CA1: variants seen among roughly 807,000 people sequenced by gnomAD.
The protein encoded by CA1 is carbonic anhydrase 1.
In CA1, 27 loss-of-function variants were observed where a neutral mutation model predicts 28.8. The ratio of observed to expected loss-of-function variants is 0.94; its 90% CI spans 0.69 to 1.29. The LOEUF (loss-of-function observed/expected upper bound fraction) is 1.29. Among genes scored for constraint, CA1 ranks in the 50% most tolerant of loss-of-function variants. CA1 has a pLI of 0.00. For synonymous variants in CA1, 121 were observed against 108.8 expected, an observed-to-expected ratio of 1.11 and a Z score of -0.70; for missense variants, 335 against 310.5, an observed-to-expected ratio of 1.08 and a Z score of -0.59.
intron 4 of CA1, among the ~76,000 whole-genome samples, chr8:85,336,490 C>G (rs1808659222): frequency 6.6e-6 from 1 of 152,140 alleles, no homozygotes; most frequent in African/African-American, 2.4e-5. Flanking sequence ...TAGGTGTATG[C>G]TGTTCTGTGA....
chr8:85,336,264 G>A (rs1169288559), intron 4 of CA1, among the ~76,000 whole-genome samples: 1 of 152,124 alleles, frequency 6.6e-6, no homozygotes, highest in South Asian at 2.1e-4. Flanking sequence ...AAATTAAAAA[G>A]TCAACCTGCA....
At chr8:85,371,992 T>C (rs1810244327) in intron 1 of CA1, among the ~76,000 whole-genome samples, 1 of 152,190 alleles carries the variant, frequency 6.6e-6, no homozygotes, top group African/African-American at 2.4e-5. Flanking sequence ...CATAATGTTG[T>C]ACAGGAGAAA....
chr8:85,364,081 T>A (rs1431350512), intron 1 of CA1, among the ~76,000 whole-genome samples: 1 of 152,102 alleles, frequency 6.6e-6, no homozygotes, highest in African/African-American at 2.4e-5. Context: ...GCTCAAGCGA[T>A]CTGCCCACCT....
intron 4 of CA1, among the ~76,000 whole-genome samples, 178 bp from the exon 5 acceptor site, chr8:85,333,798 T>C (rs986614467): frequency 1.3e-5 from 2 of 152,222 alleles, no homozygotes; most frequent in Middle Eastern, 3.2e-3. Flanking sequence ...GGGTTATCTG[T>C]GTGCCAGGTA....
chr8:85,336,854 G>A (rs1808676574), intron 4 of CA1, 91 bp downstream of exon 4: 4 of 809,902 alleles, frequency 4.9e-6, no homozygotes, highest in Non-Finnish European at 8.9e-6. Context: ...TTCCTTTGGA[G>A]TCATTATGAT....
chr8:85,338,632 T>TTTTCTTTCTTTCTTTCTTTC (rs56255763), intron 2 of CA1, among the ~76,000 whole-genome samples, 183 bp from the exon 3 acceptor site: 11 of 131,614 alleles, frequency 8.4e-5, no homozygotes, highest in African/African-American at 3.2e-4. Flanking sequence ...CTTTCCTTCT[T>TTTTCTTTCTTTCTTTCTTTC]TTTCTTTCTT....
At chr8:85,344,300 ATAAT>A (rs1281713397) in intron 1 of CA1, among the ~76,000 whole-genome samples, 1 of 51,592 alleles carries the variant, frequency 1.9e-5, no homozygotes, top group East Asian at 2.7e-4. Flanking sequence ...AGTATATAAT[ATAAT>A]TATATATTAT....
At chr8:85,360,578 A>G (rs573563524) in intron 1 of CA1, among the ~76,000 whole-genome samples, 3 of 152,326 alleles carry the variant, frequency 2.0e-5, no homozygotes, top group Admixed American at 6.5e-5. Flanking sequence ...CTGTAGTCCC[A>G]GCTACTTGGG....
chr8:85,370,433 T>A lies in CA1; in HGVS notation c.-25+7613A>T, dbSNP rs921116289. Among the ~76,000 whole-genome samples, 14 of 152,002 alleles carry A rather than the reference T, an allele frequency of 9.2e-5. No individual in the cohort carries two copies. In the East Asian group the frequency reaches 1.5e-3, roughly 17 times the overall value. On this transcript the variant is annotated intron_variant, in intron 1 of 7. Coordinates refer to ENST00000523022, the MANE Select transcript of CA1 (RefSeq NM_001128831.4). Reference sequence around the variant, plus strand: ...ATAGTACTAAAACCTTGGAGTTTTTTAAAAAAAACTTTTAAAATCTTCTGG... The same window carrying A: ...ATAGTACTAAAACCTTGGAGTTTTTAAAAAAAAACTTTTAAAATCTTCTGG...
chr8:85,335,113 T>C lies in CA1; in HGVS notation c.355-1493A>G, dbSNP rs116249604. Among the ~76,000 whole-genome samples the C allele has an allele frequency of 7.6e-3, 1,153 of 152,302 alleles. 16 individuals carry two copies. The highest frequency in any genetic ancestry group is 0.026 in the African/African-American group (1,078 of 41,564). ...ACAGTATATTAAGAGGGATCACTTA[T>C]TGCAATTTCCTCTGACCATGCCAGT... On this transcript the variant is annotated intron_variant, in intron 4 of 7. Transcript: ENST00000523022.
chr8:85,376,638 G>T (rs1012252382), intron 1 of CA1, among the ~76,000 whole-genome samples: 7 of 150,920 alleles, frequency 4.6e-5, no homozygotes, highest in African/African-American at 1.5e-4. Context: ...CTCCAGCCTG[G>T]TGACAGAGAA....
intron 3 of CA1, 47 bp downstream of exon 3, chr8:85,338,205 C>A: frequency 6.8e-7 from 1 of 1,473,030 alleles, no homozygotes; most frequent in Non-Finnish European, 9.5e-7. Context: ...TTTAAATTTT[C>A]CCAGTAGACT....
intron 1 of CA1, among the ~76,000 whole-genome samples, chr8:85,357,573 T>A (rs1809649329): frequency 1.3e-5 from 2 of 152,216 alleles, no homozygotes; most frequent in Admixed American, 6.5e-5. Flanking sequence ...TAAAATCTCT[T>A]TTTTTATTAT....
At chr8:85,331,449 A>T (rs1329748320) in intron 6 of CA1, among the ~76,000 whole-genome samples, 1 of 151,074 alleles carries the variant, frequency 6.6e-6, no homozygotes, top group African/African-American at 2.4e-5. Flanking sequence ...TTTCTTTTCA[A>T]AATTTATTTA....
intron 1 of CA1, among the ~76,000 whole-genome samples, chr8:85,364,267 T>A (rs1289923689): frequency 6.6e-6 from 1 of 152,214 alleles, no homozygotes; most frequent in African/African-American, 2.4e-5. Context: ...ATCTAACCTA[T>A]CATCAAAAGT....
chr8:85,351,175 A>G (rs991677597), intron 1 of CA1, among the ~76,000 whole-genome samples: 1 of 152,230 alleles, frequency 6.6e-6, no homozygotes, highest in Non-Finnish European at 1.5e-5. Context: ...ACATGATATT[A>G]TTAGTAAAGG....
chr8:85,361,613 G>A (rs940206652), intron 1 of CA1, among the ~76,000 whole-genome samples: 1 of 152,156 alleles, frequency 6.6e-6, no homozygotes, highest in Non-Finnish European at 1.5e-5. Flanking sequence ...GGGGGTGGAG[G>A]TTGCAGTGAG....
intron 1 of CA1, among the ~76,000 whole-genome samples, chr8:85,368,536 T>G (rs6605616): frequency 0.027 from 3,878 of 142,232 alleles, 171 homozygotes; most frequent in African/African-American, 0.1. Flanking sequence ...TATGGAGGTG[T>G]TTTTTTTTTC....
chr8:85,355,424 G>C (rs933803401), intron 1 of CA1, among the ~76,000 whole-genome samples: 1 of 151,974 alleles, frequency 6.6e-6, no homozygotes, highest in Non-Finnish European at 1.5e-5. Context: ...AAAAGACAGG[G>C]TCTTTCTCTG....
Sources: allele counts gnomAD v4.1 joint callset (sites outside exome capture counted in the v4.1 genomes callset), GRCh38; gene constraint gnomAD v4.1.1; transcripts MANE v1.5; gene names NCBI Gene and HGNC (gene_info 2026-07-23, HGNC 2026-07-21).